The following ENTREP2 variants were observed in gnomAD, a reference collection of about 807,000 sequenced individuals.
ENTREP2 encodes the protein endosomal transmembrane epsin interactor 2.
chr15:29,197,844 G>C, the ENTREP2 span, among the ~76,000 whole-genome samples: 30 of 151,728 alleles, frequency 2.0e-4, no homozygotes, highest in Non-Finnish European at 2.2e-4. Context: ...ATTTTCCTTA[G>C]ACTAAGAAGT....
chr15:29,386,627 C>A, the ENTREP2 span, among the ~76,000 whole-genome samples: 2 of 152,132 alleles, frequency 1.3e-5, no homozygotes, highest in South Asian at 2.1e-4. Flanking sequence ...GATGTTGAAT[C>A]CCTAACCCGC....
chr15:29,493,360 C>T, the ENTREP2 span, among the ~76,000 whole-genome samples: 1 of 151,226 alleles, frequency 6.6e-6, no homozygotes, highest in Non-Finnish European at 1.5e-5. Context: ...GTCTCGATCT[C>T]CTGACCTCGT....
chr15:29,658,210 G>C, the ENTREP2 span, among the ~76,000 whole-genome samples: 768 of 152,216 alleles, frequency 5.0e-3, 10 homozygotes, highest in African/African-American at 0.017. Flanking sequence ...GTTCTCATGA[G>C]ATCTGATGGT....
the ENTREP2 span, among the ~76,000 whole-genome samples, chr15:29,401,356 G>T: frequency 6.6e-6 from 1 of 152,132 alleles, no homozygotes; most frequent in African/African-American, 2.4e-5. Context: ...GGCTGAATAC[G>T]ATGAATAGGA....
chr15:29,653,771 C>T, the ENTREP2 span, among the ~76,000 whole-genome samples: 1 of 152,204 alleles, frequency 6.6e-6, no homozygotes, highest in Non-Finnish European at 1.5e-5. Flanking sequence ...TGGACTAATA[C>T]ACACACCAAC....
the ENTREP2 span, among the ~76,000 whole-genome samples, chr15:29,529,708 C>G: frequency 1.3e-5 from 2 of 152,124 alleles, no homozygotes; most frequent in Admixed American, 1.3e-4. Context: ...CACACCAAAA[C>G]CTTGTCTCAC....
chr15:29,142,173 T>C, the ENTREP2 span, among the ~76,000 whole-genome samples: 1 of 152,188 alleles, frequency 6.6e-6, no homozygotes, highest in Non-Finnish European at 1.5e-5. Context: ...GGCTCCACTT[T>C]AGAGGAACTG....
At chr15:29,353,128 C>A in the ENTREP2 span, among the ~76,000 whole-genome samples, 1 of 150,972 alleles carries the variant, frequency 6.6e-6, no homozygotes, top group African/African-American at 2.5e-5. Flanking sequence ...TAAAAGGTAA[C>A]ACACAGCGGC....
chr15:29,607,863 TAGAC>T, the ENTREP2 span, among the ~76,000 whole-genome samples: 25 of 150,846 alleles, frequency 1.7e-4, no homozygotes, highest in Admixed American at 1.5e-3. Flanking sequence ...TATAGATAGA[TAGAC>T]AGAGAAAGGG....
chr15:29,162,899 A>C, the ENTREP2 span, among the ~76,000 whole-genome samples: 1 of 152,148 alleles, frequency 6.6e-6, no homozygotes, highest in African/African-American at 2.4e-5. Flanking sequence ...GCCCTCACGA[A>C]GTCCACTGCA....
At chr15:29,142,745 C>G in the ENTREP2 span, among the ~76,000 whole-genome samples, 1 of 152,140 alleles carries the variant, frequency 6.6e-6, no homozygotes, top group African/African-American at 2.4e-5. Context: ...TTAATAAGCG[C>G]ATGCCTAATG....
the ENTREP2 span, among the ~76,000 whole-genome samples, chr15:29,341,655 G>T: frequency 6.6e-6 from 1 of 152,170 alleles, no homozygotes. Context: ...GGAAGCAAAG[G>T]CTGCATCTTG....
At chr15:29,546,313 G>T in the ENTREP2 span, among the ~76,000 whole-genome samples, 6 of 152,084 alleles carry the variant, frequency 3.9e-5, no homozygotes, top group East Asian at 1.2e-3. Flanking sequence ...GAGAACAAAA[G>T]AACTCCAAAA....
the ENTREP2 span, among the ~76,000 whole-genome samples, chr15:29,241,189 G>A: frequency 1.3e-5 from 2 of 152,108 alleles, no homozygotes; most frequent in Non-Finnish European, 2.9e-5. Context: ...ATTCACTGAG[G>A]TCAGGCCTGC....
At chr15:29,514,848 C>T in the ENTREP2 span, among the ~76,000 whole-genome samples, 3 of 152,250 alleles carry the variant, frequency 2.0e-5, no homozygotes, top group South Asian at 2.1e-4. Flanking sequence ...GAATCATGAA[C>T]GTGAGCAGCT....
chr15:29,183,063 G>A, the ENTREP2 span, among the ~76,000 whole-genome samples: 1 of 152,030 alleles, frequency 6.6e-6, no homozygotes, highest in African/African-American at 2.4e-5. Flanking sequence ...TGGAAAAATA[G>A]TTCTTAAAAT....
At chr15:29,327,594 C>CA in the ENTREP2 span, among the ~76,000 whole-genome samples, 25,676 of 92,116 alleles carry the variant, frequency 0.28, 3,982 homozygotes, top group African/African-American at 0.5. Flanking sequence ...GACCCCATCT[C>CA]AAAAAAAAAA....
chr15:29,353,515 G>C, the ENTREP2 span, among the ~76,000 whole-genome samples: 1 of 152,190 alleles, frequency 6.6e-6, no homozygotes, highest in African/African-American at 2.4e-5. Context: ...GTGTGTGTAT[G>C]TTGCATGGAA....
At chr15:29,529,201 A>T in the ENTREP2 span, among the ~76,000 whole-genome samples, 1 of 316 alleles carries the variant, frequency 3.2e-3, no homozygotes, top group Non-Finnish European at 5.6e-3. Flanking sequence ...GTCCACATAA[A>T]GGTGGGGTTG....
Sources: allele counts gnomAD v4.1 joint callset (sites outside exome capture counted in the v4.1 genomes callset), GRCh38; gene constraint gnomAD v4.1.1; transcripts MANE v1.5; gene names NCBI Gene and HGNC (gene_info 2026-07-23, HGNC 2026-07-21).